Variants in ZNF521 observed in about 807,000 individuals in gnomAD.
ZNF521 encodes LYST-interacting protein 3.
ZNF521 carries 14 observed loss-of-function variants against 105.5 expected under a neutral mutation model. That is an observed-to-expected ratio of 0.13 (90% CI 0.09 to 0.21). The LOEUF is 0.21. Ranked by LOEUF, ZNF521 falls within the 10% of genes least tolerant of loss-of-function variation. The probability of loss-of-function intolerance (pLI) is 1.00; values close to 1 mark genes in which losing one functional copy is unlikely to be tolerated. For synonymous variants in ZNF521, 635 were observed against 606.0 expected (o/e 1.05, Z -0.70); for missense variants, 1,233 against 1,629.7 (o/e 0.76, Z 4.19).
chr18:25,235,712 T>C (rs957696319), intron 3 of ZNF521, among the ~76,000 whole-genome samples: 1 of 152,192 alleles, frequency 6.6e-6, no homozygotes, highest in Non-Finnish European at 1.5e-5. Context: ...ATTATAACCA[T>C]GGCAGTAGTA....
intron 5 of ZNF521, among the ~76,000 whole-genome samples, chr18:25,185,654 G>A (rs1431707020): frequency 2.0e-5 from 3 of 152,124 alleles, no homozygotes; most frequent in Non-Finnish European, 2.9e-5. Flanking sequence ...AAGCTACATG[G>A]TTAGAAGCAG....
chr18:25,338,712 A>G (rs1914037601), intron 2 of ZNF521, among the ~76,000 whole-genome samples: 1 of 152,062 alleles, frequency 6.6e-6, no homozygotes, highest in Non-Finnish European at 1.5e-5. Context: ...GCGCCCAGTC[A>G]TTTTCTTTTT....
At chr18:25,109,037 G>A (rs1211894028) in intron 5 of ZNF521, among the ~76,000 whole-genome samples, 2 of 152,126 alleles carry the variant, frequency 1.3e-5, no homozygotes, top group East Asian at 1.9e-4. Flanking sequence ...AGATCTGGAT[G>A]TCCGTTCAGT....
At chr18:25,067,786 C>G (rs1024832985) in intron 7 of ZNF521, among the ~76,000 whole-genome samples, 5 of 152,078 alleles carry the variant, frequency 3.3e-5, no homozygotes, top group Admixed American at 6.6e-5. Context: ...CCAGAGATTG[C>G]CTTCACTTTT....
chr18:25,106,370 A>AAAAC (rs1200035004), intron 5 of ZNF521, among the ~76,000 whole-genome samples: 2 of 152,182 alleles, frequency 1.3e-5, no homozygotes, highest in Non-Finnish European at 1.5e-5. Context: ...GGGGTTAACA[A>AAAAC]AAACAAACAA....
chr18:25,193,490 T>C (rs2035852846), intron 5 of ZNF521, among the ~76,000 whole-genome samples: 1 of 151,986 alleles, frequency 6.6e-6, no homozygotes, highest in Non-Finnish European at 1.5e-5. Context: ...TTCAAGCCTA[T>C]CTAAAAGTGC....
At chr18:25,235,188 A>G (rs577508109) in intron 3 of ZNF521, among the ~76,000 whole-genome samples, 21 of 152,350 alleles carry the variant, frequency 1.4e-4, no homozygotes, top group Non-Finnish European at 2.1e-4. Context: ...GCACCACTCT[A>G]TAAGTGACTA....
chr18:25,262,557 T>G (rs188824327), intron 3 of ZNF521, among the ~76,000 whole-genome samples: 2 of 152,192 alleles, frequency 1.3e-5, no homozygotes, highest in African/African-American at 4.8e-5. Context: ...CATTTACTGA[T>G]CATCTACTAT....
chr18:25,068,382 T>A (rs1206698338), intron 7 of ZNF521, among the ~76,000 whole-genome samples: 1 of 152,218 alleles, frequency 6.6e-6, no homozygotes, highest in African/African-American at 2.4e-5. Context: ...ACACTGAGGA[T>A]AATCGGTATG....
intron 3 of ZNF521, among the ~76,000 whole-genome samples, chr18:25,233,232 T>TA (rs140916176): frequency 0.047 from 7,138 of 151,236 alleles, 176 homozygotes; most frequent in Non-Finnish European, 0.056. Flanking sequence ...AAGGTCATGC[T>TA]AAAAAAAAAC....
intron 3 of ZNF521, among the ~76,000 whole-genome samples, chr18:25,286,617 T>C (rs941901204): frequency 6.6e-6 from 1 of 152,238 alleles, no homozygotes; most frequent in Non-Finnish European, 1.5e-5. Context: ...TCACATCTCA[T>C]AGACTATATA....
chr18:25,121,601 T>C (rs1396494111), intron 5 of ZNF521, among the ~76,000 whole-genome samples: 1 of 151,836 alleles, frequency 6.6e-6, no homozygotes, highest in East Asian at 1.9e-4. Context: ...CATGTGGAAG[T>C]AGAAAGCACC....
intron 5 of ZNF521, among the ~76,000 whole-genome samples, chr18:25,160,511 A>G (rs534205646): frequency 1.1e-4 from 16 of 152,218 alleles, no homozygotes; most frequent in Admixed American, 6.5e-4. Flanking sequence ...ACTTATGCAC[A>G]CACACACACA....
At chr18:25,299,700 A>G (rs1204416726) in intron 3 of ZNF521, among the ~76,000 whole-genome samples, 1 of 152,108 alleles carries the variant, frequency 6.6e-6, no homozygotes, top group Non-Finnish European at 1.5e-5. Context: ...AAGACATACC[A>G]CTCTATAAAC....
chr18:25,307,414 T>C lies in ZNF521; in HGVS notation c.220+14594A>G. ...CCTGGGCTGCGCTGGTTGCAGGGAA[T>C]GGAGAATCCCTGCTAACTCAACTCC... On this transcript the variant is annotated intron_variant, in intron 3 of 7. Coordinates refer to ENST00000361524, the MANE Select transcript of ZNF521 (RefSeq NM_015461.3). Among the ~76,000 whole-genome samples, 2 of 152,222 alleles carry C rather than the reference T, an allele frequency of 1.3e-5. 1 individual carries two copies. Among genetic ancestry groups the C allele is most frequent in the East Asian group, 3.8e-4 (2 of 5,196 alleles).
At chr18:25,085,120 C>A (rs576419079) in intron 7 of ZNF521, among the ~76,000 whole-genome samples, 1 of 151,910 alleles carries the variant, frequency 6.6e-6, no homozygotes, top group South Asian at 2.1e-4. Flanking sequence ...CCTGGCAGCA[C>A]GCTAGGTGGC....
chr18:25,089,378 A>C, intron 7 of ZNF521, 87 bp downstream of exon 7: 3 of 1,007,120 alleles, frequency 3.0e-6, no homozygotes, highest in Non-Finnish European at 4.6e-6. Flanking sequence ...AGGGTGAGTG[A>C]TACTGTGAAT....
chr18:25,308,658 C>G (rs922173982), intron 3 of ZNF521, among the ~76,000 whole-genome samples: 1 of 146,080 alleles, frequency 6.8e-6, no homozygotes, highest in African/African-American at 2.5e-5. Flanking sequence ...ATCCCCCCCC[C>G]CCCACCCGCC....
intron 5 of ZNF521, among the ~76,000 whole-genome samples, chr18:25,113,905 A>T (rs76834621): frequency 0.02 from 3,001 of 152,212 alleles, 99 homozygotes; most frequent in African/African-American, 0.069. Flanking sequence ...ACCCAGTACA[A>T]TTTCCTAAAA....
Sources: gnomAD v4.1 joint callset for allele counts (sites outside exome capture counted in the v4.1 genomes callset) on GRCh38, gnomAD v4.1.1 for gene constraint, MANE v1.5 for transcripts, NCBI Gene and HGNC (gene_info 2026-07-23, HGNC 2026-07-21) for gene names.